LRMDA: variants seen among roughly 807,000 people sequenced by gnomAD.
LRMDA encodes leucine-rich melanocyte differentiation-associated protein.
Under a neutral mutation model 29.8 loss-of-function variants are expected in LRMDA, and 18 were observed. The ratio of observed to expected loss-of-function variants is 0.60; its 90% confidence interval spans 0.42 to 0.90. The LOEUF (loss-of-function observed/expected upper bound fraction) is 0.90. Ranked by LOEUF, LRMDA falls within the 40% of genes least tolerant of loss-of-function variation. LRMDA has a pLI of 0.00. For missense variants in LRMDA, 273 were observed against 273.9 expected, an observed-to-expected ratio of 1.00 and a Z score of 0.02; for synonymous variants, 125 against 109.4, an observed-to-expected ratio of 1.14 and a Z score of -0.89.
intron 2 of LRMDA, among the ~76,000 whole-genome samples, chr10:75,474,037 C>G (rs1403887840): frequency 5.3e-5 from 8 of 152,170 alleles, no homozygotes; most frequent in Non-Finnish European, 1.2e-4. Flanking sequence ...CCACGTGAGA[C>G]AACATCTCCT....
intron 6 of LRMDA, among the ~76,000 whole-genome samples, chr10:76,405,645 T>C (rs1266786375): frequency 4.6e-5 from 7 of 152,194 alleles, no homozygotes; most frequent in African/African-American, 1.7e-4. Flanking sequence ...GATGTGTTTG[T>C]AATTGGACCT....
chr10:76,145,731 AGCTTTTGAATGT>A (rs1210111018), intron 5 of LRMDA, among the ~76,000 whole-genome samples: 1 of 151,856 alleles, frequency 6.6e-6, no homozygotes, highest in Admixed American at 6.6e-5. Context: ...GCCTTCTGCT[AGCTTTTGAATGT>A]GTTTGGTCTT....
At chr10:75,533,456 G>A (rs1354426664) in intron 2 of LRMDA, among the ~76,000 whole-genome samples, 1 of 152,134 alleles carries the variant, frequency 6.6e-6, no homozygotes, top group African/African-American at 2.4e-5. Context: ...ATCAATCCTG[G>A]GTGGAAATTT....
intron 6 of LRMDA, among the ~76,000 whole-genome samples, chr10:76,482,997 ACT>A (rs1842746736): frequency 6.6e-6 from 1 of 151,808 alleles, no homozygotes; most frequent in Admixed American, 6.6e-5. Flanking sequence ...GAAGTTGAAC[ACT>A]CTTTCATACA....
At chr10:76,121,312 G>T (rs1424395279) in intron 5 of LRMDA, among the ~76,000 whole-genome samples, 6 of 152,158 alleles carry the variant, frequency 3.9e-5, no homozygotes, top group Non-Finnish European at 7.3e-5. Flanking sequence ...AGTTAATGAG[G>T]CAATTGTCTG....
At chr10:75,473,512 C>G (rs1844751758) in intron 2 of LRMDA, among the ~76,000 whole-genome samples, 1 of 152,226 alleles carries the variant, frequency 6.6e-6, no homozygotes, top group Admixed American at 6.5e-5. Context: ...AATCTCCCAG[C>G]AGTGGCTCAG....
chr10:75,449,370 G>T (rs1844433273), intron 2 of LRMDA, among the ~76,000 whole-genome samples: 1 of 152,100 alleles, frequency 6.6e-6, no homozygotes, highest in African/African-American at 2.4e-5. Context: ...ATGGTTAAAT[G>T]GGAGAGCTGG....
intron 2 of LRMDA, among the ~76,000 whole-genome samples, chr10:75,705,859 A>T (rs1368593081): frequency 6.6e-6 from 1 of 151,490 alleles, no homozygotes; most frequent in Non-Finnish European, 1.5e-5. Context: ...TAATTCATTT[A>T]GCTTCTTTAC....
At chr10:76,538,666 T>G (rs549650315) in intron 6 of LRMDA, among the ~76,000 whole-genome samples, 23 of 151,874 alleles carry the variant, frequency 1.5e-4, no homozygotes, top group Non-Finnish European at 2.9e-4. Flanking sequence ...GTCTTCTGGA[T>G]TGTTTAACTT....
chr10:76,333,707 A>C (rs1426102646), intron 6 of LRMDA, among the ~76,000 whole-genome samples: 4 of 152,198 alleles, frequency 2.6e-5, no homozygotes, highest in Non-Finnish European at 5.9e-5. Context: ...TTGAAACTAA[A>C]ACACAGGGCC....
At chr10:76,170,032 G>A (rs775912433) in intron 5 of LRMDA, among the ~76,000 whole-genome samples, 4 of 152,124 alleles carry the variant, frequency 2.6e-5, no homozygotes, top group Non-Finnish European at 5.9e-5. Context: ...GAAGCTGAAA[G>A]GTAAAATAAT....
intron 6 of LRMDA, among the ~76,000 whole-genome samples, chr10:76,510,164 G>A (rs1301649684): frequency 6.6e-6 from 1 of 152,062 alleles, no homozygotes; most frequent in Non-Finnish European, 1.5e-5. Flanking sequence ...TCCGCCTCCC[G>A]GATTCAAGCG....
chr10:76,521,953 G>A (rs1243445283), intron 6 of LRMDA, among the ~76,000 whole-genome samples: 1 of 152,036 alleles, frequency 6.6e-6, no homozygotes, highest in Non-Finnish European at 1.5e-5. Flanking sequence ...TTCAGTATTT[G>A]CTTCTTAAGT....
At chr10:75,551,595 G>C (rs1840151367) in intron 2 of LRMDA, among the ~76,000 whole-genome samples, 1 of 151,550 alleles carries the variant, frequency 6.6e-6, no homozygotes, top group African/African-American at 2.4e-5. Flanking sequence ...TTGGTTTTCT[G>C]TTCTTGTGTT....
chr10:76,277,877 A>G (rs1840155663), intron 5 of LRMDA, among the ~76,000 whole-genome samples: 1 of 152,202 alleles, frequency 6.6e-6, no homozygotes, highest in African/African-American at 2.4e-5. Context: ...CTCATCTGAC[A>G]TTCTGTTAAA....
chr10:75,676,821 C>T (rs1391014713), intron 2 of LRMDA, among the ~76,000 whole-genome samples: 1 of 152,106 alleles, frequency 6.6e-6, no homozygotes, highest in Non-Finnish European at 1.5e-5. Context: ...GTATCTCCAG[C>T]CATGGTGGTG....
At chr10:75,759,383 T>C (rs1211059962) in intron 2 of LRMDA, among the ~76,000 whole-genome samples, 1 of 152,236 alleles carries the variant, frequency 6.6e-6, no homozygotes, top group East Asian at 1.9e-4. Context: ...TAACTTATAC[T>C]CTATAGACCC....
intron 5 of LRMDA, chr10:76,242,418 C>T (rs1221273417): frequency 2.0e-5 from 3 of 152,188 alleles, no homozygotes; most frequent in Admixed American, 6.5e-5. Context: ...ATAAAGGTGC[C>T]AGTGGGCCCA....
At chr10:75,493,558 T>G (rs1416800311) in intron 2 of LRMDA, among the ~76,000 whole-genome samples, 1 of 152,126 alleles carries the variant, frequency 6.6e-6, no homozygotes, top group Non-Finnish European at 1.5e-5. Flanking sequence ...CTGTGACTGT[T>G]GGAGGTGTAA....
Sources: gnomAD v4.1 joint callset for allele counts (sites outside exome capture counted in the v4.1 genomes callset) on GRCh38, gnomAD v4.1.1 for gene constraint, MANE v1.5 for transcripts, NCBI Gene and HGNC (gene_info 2026-07-23, HGNC 2026-07-21) for gene names.